Variants in ITIH5 observed in about 807,000 individuals in gnomAD.
ITIH5 encodes inter-alpha-trypsin inhibitor heavy chain 5, also known as inter-alpha-trypsin inhibitor heavy chain H5.
Under a neutral mutation model 77.5 loss-of-function variants are expected in ITIH5, and 65 were observed. The observed-to-expected ratio is 0.84, with a 90% CI of 0.69 to 1.03. ITIH5 has a LOEUF of 1.03. Among genes scored for constraint, ITIH5 ranks in the 50% least tolerant of loss-of-function variants. The pLI is 0.00. For missense variants in ITIH5, 1,208 were observed against 1,213.1 expected, an observed-to-expected ratio of 1.00 and a Z score of 0.06; for synonymous variants, 525 against 494.3, an observed-to-expected ratio of 1.06 and a Z score of -0.82.
At chr10:7,598,569 T>A (rs1465995694) in intron 7 of ITIH5, among the ~76,000 whole-genome samples, 1 of 152,228 alleles carries the variant, frequency 6.6e-6, no homozygotes, top group Admixed American at 6.5e-5. Context: ...ATTATTTTAA[T>A]CTACTACACT....
chr10:7,648,513 T>G (rs1246446480), intron 2 of ITIH5, among the ~76,000 whole-genome samples: 1 of 152,258 alleles, frequency 6.6e-6, no homozygotes, highest in Non-Finnish European at 1.5e-5. Context: ...TATCATGTAA[T>G]TCTTTTACAT....
At chr10:7,574,741 C>T (rs1014689544) in intron 10 of ITIH5, among the ~76,000 whole-genome samples, 8 of 142,246 alleles carry the variant, frequency 5.6e-5, no homozygotes, top group African/African-American at 2.2e-4. Flanking sequence ...TGCAGTGAGC[C>T]GAGATAGCAC....
rs1016588870 is a variant in ITIH5 at position 7,628,925 on chromosome 10, C to T, written c.652+8303G>A. On this transcript the variant is annotated intron_variant, in intron 5 of 13. Transcript: ENST00000397146. ...CATGCATCCATGTTATCATATGTATCTGTGTTTTCACATGTGTCCATGTTG... is the reference window on the plus strand; with the variant it reads ...CATGCATCCATGTTATCATATGTATTTGTGTTTTCACATGTGTCCATGTTG... 4.5e-5 allele frequency among the ~76,000 whole-genome samples: 6 copies of T among 134,568 alleles called. 1 individual carries two copies. Among genetic ancestry groups the T allele is most frequent in the African/African-American group, 1.6e-4 (6 of 37,544 alleles). The allele number at this position is 134,568 out of a possible 152,430, so 88.3% of individuals were successfully genotyped here. A position where few individuals can be genotyped will look rare whatever the true frequency, so the allele number is the denominator to read the frequency against.
At chr10:7,655,562 G>T (rs2131106641) in intron 2 of ITIH5, 69 bp downstream of exon 2, 1 of 1,287,420 alleles carries the variant, frequency 7.8e-7, no homozygotes, top group South Asian at 1.2e-5. Flanking sequence ...AAGCAAAGTG[G>T]ATACCTGGTT....
At chr10:7,630,513 T>C (rs973976431) in intron 5 of ITIH5, among the ~76,000 whole-genome samples, 1 of 152,252 alleles carries the variant, frequency 6.6e-6, no homozygotes, top group Non-Finnish European at 1.5e-5. Context: ...TTTGTTCCAT[T>C]ATAGCCATCC....
intron 1 of ITIH5, among the ~76,000 whole-genome samples, chr10:7,657,384 A>G (rs1002992288): frequency 2.0e-5 from 3 of 152,142 alleles, no homozygotes; most frequent in African/African-American, 7.2e-5. Flanking sequence ...ACTGTTTTCC[A>G]AAGTGGCTGT....
At chr10:7,571,196 G>T (rs1157950694) in intron 11 of ITIH5, among the ~76,000 whole-genome samples, 1 of 152,012 alleles carries the variant, frequency 6.6e-6, no homozygotes, top group East Asian at 1.9e-4. Flanking sequence ...TTTGCTGATG[G>T]GGAAAAACTG....
At chr10:7,609,897 G>C (rs955037738) in intron 7 of ITIH5, among the ~76,000 whole-genome samples, 1 of 151,866 alleles carries the variant, frequency 6.6e-6, no homozygotes, top group Non-Finnish European at 1.5e-5. Flanking sequence ...TCAGGGAAAG[G>C]AAAGACAAGA....
intron 5 of ITIH5, among the ~76,000 whole-genome samples, chr10:7,636,373 T>G (rs1833798315): frequency 6.6e-6 from 1 of 152,150 alleles, no homozygotes; most frequent in Admixed American, 6.5e-5. Flanking sequence ...GAATATAACA[T>G]ATTGCTGAAT....
chr10:7,610,769 A>G (rs748923671), intron 7 of ITIH5, among the ~76,000 whole-genome samples: 2 of 152,208 alleles, frequency 1.3e-5, no homozygotes, highest in Non-Finnish European at 2.9e-5. Flanking sequence ...AAAACCACTC[A>G]AGGCAGCGAG....
At chr10:7,642,176 G>A (rs1564276210) in intron 2 of ITIH5, 86 bp from the exon 3 acceptor site, 1 of 1,054,876 alleles carries the variant, frequency 9.5e-7, no homozygotes, top group Non-Finnish European at 1.4e-6. Flanking sequence ...TTTCCACAAG[G>A]GAAATAATCT....
intron 1 of ITIH5, among the ~76,000 whole-genome samples, chr10:7,661,725 G>A (rs1834279868): frequency 1.3e-5 from 2 of 152,150 alleles, no homozygotes; most frequent in Admixed American, 6.5e-5. Context: ...TTGAGGCAGA[G>A]TCTCAACTCA....
intron 8 of ITIH5, among the ~76,000 whole-genome samples, chr10:7,584,447 G>A (rs1410231450): frequency 6.6e-6 from 1 of 151,798 alleles, no homozygotes; most frequent in Non-Finnish European, 1.5e-5. Context: ...GGGATTACAG[G>A]CACCCGCCAC....
intron 7 of ITIH5, among the ~76,000 whole-genome samples, chr10:7,592,713 G>A (rs1832817476): frequency 6.6e-6 from 1 of 152,226 alleles, no homozygotes; most frequent in African/African-American, 2.4e-5. Context: ...ACAGGCAGGG[G>A]CGGCCTCAGC....
At chr10:7,665,220 A>G (rs1834342530) in intron 1 of ITIH5, among the ~76,000 whole-genome samples, 1 of 152,214 alleles carries the variant, frequency 6.6e-6, no homozygotes, top group African/African-American at 2.4e-5. Flanking sequence ...TGTGAAGCCT[A>G]CTTGAACTTG....
At chr10:7,591,634 G>C (rs991535084) in intron 7 of ITIH5, among the ~76,000 whole-genome samples, 4 of 151,974 alleles carry the variant, frequency 2.6e-5, no homozygotes, top group Admixed American at 2.6e-4. Flanking sequence ...CTTCCTCTCA[G>C]TCTTTGCTGC....
At chr10:7,608,939 T>G (rs1833187102) in intron 7 of ITIH5, among the ~76,000 whole-genome samples, 1 of 149,040 alleles carries the variant, frequency 6.7e-6, no homozygotes, top group South Asian at 2.1e-4. Context: ...CTCACCTGAG[T>G]GCACTGTCCT....
At chr10:7,585,450 A>C (rs1247407443) in intron 8 of ITIH5, among the ~76,000 whole-genome samples, 1 of 152,110 alleles carries the variant, frequency 6.6e-6, no homozygotes, top group Non-Finnish European at 1.5e-5. Flanking sequence ...CCACCAGGAT[A>C]CCTGTTTCAC....
intron 8 of ITIH5, among the ~76,000 whole-genome samples, chr10:7,580,954 C>T (rs765323696): frequency 1.3e-5 from 2 of 152,114 alleles, no homozygotes; most frequent in Admixed American, 6.5e-5. Flanking sequence ...TTGTCAGCAA[C>T]AGCTCTGATT....
Sources: allele counts gnomAD v4.1 joint callset (sites outside exome capture counted in the v4.1 genomes callset), GRCh38; gene constraint gnomAD v4.1.1; transcripts MANE v1.5; gene names NCBI Gene and HGNC (gene_info 2026-07-23, HGNC 2026-07-21).